Variants in PTPRT observed in about 807,000 individuals in gnomAD.
PTPRT encodes protein tyrosine phosphatase receptor type T.
In PTPRT, 56 loss-of-function variants were observed where a neutral mutation model predicts 176.8. That is an observed-to-expected ratio of 0.32 (90% CI 0.26 to 0.40). The LOEUF is 0.40. Ranked by LOEUF, PTPRT falls within the 10% of genes least tolerant of loss-of-function variation. The probability of loss-of-function intolerance (pLI) is 1.00; values close to 1 mark genes in which losing one functional copy is unlikely to be tolerated. For missense variants in PTPRT, 1,540 were observed against 1,908.2 expected (o/e 0.81, Z 3.60); for synonymous variants, 783 against 739.0 (o/e 1.06, Z -0.96).
At chr20:42,811,207 T>G (rs554913280) in intron 2 of PTPRT, among the ~76,000 whole-genome samples, 4 of 152,310 alleles carry the variant, frequency 2.6e-5, no homozygotes, top group Admixed American at 2.0e-4. Flanking sequence ...AAAAAAATCT[T>G]AAGTTTCACT....
chr20:42,564,569 G>T (rs144876503), intron 7 of PTPRT, among the ~76,000 whole-genome samples: 7 of 152,132 alleles, frequency 4.6e-5, no homozygotes, highest in African/African-American at 1.7e-4. Flanking sequence ...ACACACTGGG[G>T]CCTGTCAGGA....
At chr20:42,318,582 T>C (rs549609311) in intron 11 of PTPRT, among the ~76,000 whole-genome samples, 9 of 152,116 alleles carry the variant, frequency 5.9e-5, no homozygotes, top group Non-Finnish European at 1.0e-4. Context: ...TGCATTGGAT[T>C]TGGGAGCATG....
Position 42,333,693 on chromosome 20 carries a change from T to C in PTPRT, c.1865+16935A>G, listed in dbSNP as rs180820281. On this transcript the variant is annotated intron_variant, in intron 11 of 30. Coordinates refer to ENST00000373187, the MANE Select transcript of PTPRT (RefSeq NM_007050.6). The stretch of plus-strand genomic sequence containing the variant: ...GTTAACATGTGGCTTTAATTCCTTT[T>C]CTTGAGATGGAGTCTCGCTTTGTCA... Among the ~76,000 whole-genome samples the C allele has an allele frequency of 1.6e-3, 246 of 152,282 alleles. 1 individual carries two copies. Among genetic ancestry groups the C allele is most frequent in the Middle Eastern group, 6.8e-3 (2 of 294 alleles).
chr20:42,542,605 T>C (rs1214818528), intron 7 of PTPRT, among the ~76,000 whole-genome samples: 1 of 152,176 alleles, frequency 6.6e-6, no homozygotes, highest in East Asian at 1.9e-4. Flanking sequence ...GAGAAGATAA[T>C]TGAACAAATC....
chr20:42,807,670 C>T (rs989786521), intron 2 of PTPRT, among the ~76,000 whole-genome samples: 14 of 152,056 alleles, frequency 9.2e-5, no homozygotes, highest in South Asian at 6.2e-4. Context: ...CAGGTGTGGG[C>T]GAAAATTCTC....
intron 16 of PTPRT, among the ~76,000 whole-genome samples, chr20:42,188,154 C>T (rs2146625247): frequency 6.6e-6 from 1 of 152,322 alleles, no homozygotes; most frequent in South Asian, 2.1e-4. Flanking sequence ...AATCTGGCCC[C>T]TTCCTGTGCT....
intron 6 of PTPRT, among the ~76,000 whole-genome samples, chr20:42,707,483 T>C (rs2076078250): frequency 6.6e-6 from 1 of 152,126 alleles, no homozygotes; most frequent in African/African-American, 2.4e-5. Flanking sequence ...ATGTGTGGTG[T>C]CAGAACATTT....
At chr20:42,696,161 C>T (rs1371548436) in intron 6 of PTPRT, among the ~76,000 whole-genome samples, 1 of 151,770 alleles carries the variant, frequency 6.6e-6, no homozygotes, top group Non-Finnish European at 1.5e-5. Flanking sequence ...TTCCCTCTCC[C>T]CTAAACCCTC....
intron 22 of PTPRT, among the ~76,000 whole-genome samples, chr20:42,110,853 T>C (rs1329311935): frequency 6.6e-6 from 1 of 152,102 alleles, no homozygotes; most frequent in Non-Finnish European, 1.5e-5. Context: ...TAAAGAAATG[T>C]TGGCCTTAAG....
intron 14 of PTPRT, among the ~76,000 whole-genome samples, chr20:42,238,498 A>C (rs996869058): frequency 3.9e-5 from 6 of 152,202 alleles, no homozygotes; most frequent in Non-Finnish European, 5.9e-5. Flanking sequence ...ACACGTTAGC[A>C]CTGTAAGGAG....
intron 6 of PTPRT, among the ~76,000 whole-genome samples, chr20:42,706,159 A>C (rs376879368): frequency 9.2e-5 from 13 of 141,848 alleles, no homozygotes; most frequent in Non-Finnish European, 1.4e-4. Flanking sequence ...GTCTCTCTTT[A>C]TCTCTCTCTC....
chr20:43,100,333 C>T (rs1421124425), intron 1 of PTPRT, among the ~76,000 whole-genome samples: 5 of 151,982 alleles, frequency 3.3e-5, no homozygotes, highest in South Asian at 4.1e-4. Flanking sequence ...GCTAAGATCG[C>T]GCCACTACAC....
In PTPRT at chr20:42,935,717, TAGTCC is replaced by T. The variant is rs545980201; in HGVS notation, c.89-49790_89-49786del. On this transcript the variant is annotated intron_variant, in intron 1 of 30. Transcript: ENST00000373187. ...ATTTCTCGTCTAGTCCGGTCTAGTC[TAGTCC>T]AGTCCAGTCCAGTCCAGTCTATTCT... Among the ~76,000 whole-genome samples the T allele has an allele frequency of 2.8e-4, 43 of 152,300 alleles. 1 individual carries two copies. The highest frequency in any genetic ancestry group is 3.4e-3 in the Middle Eastern group (1 of 294).
intron 7 of PTPRT, among the ~76,000 whole-genome samples, chr20:42,645,507 T>C (rs893668787): frequency 2.0e-5 from 3 of 152,048 alleles, no homozygotes; most frequent in African/African-American, 7.3e-5. Flanking sequence ...AGGGATCACC[T>C]CCGAAGGAAA....
intron 2 of PTPRT, among the ~76,000 whole-genome samples, chr20:42,830,031 G>C (rs1367383318): frequency 6.6e-6 from 1 of 152,082 alleles, no homozygotes; most frequent in African/African-American, 2.4e-5. Context: ...ATGAAGATCT[G>C]GTACCCTTCC....
At chr20:42,586,887 T>G (rs963074910) in intron 7 of PTPRT, among the ~76,000 whole-genome samples, 1 of 152,150 alleles carries the variant, frequency 6.6e-6, no homozygotes, top group Non-Finnish European at 1.5e-5. Flanking sequence ...AACAGAACCT[T>G]CATGCACCAA....
At chr20:42,296,606 A>C (rs1263561559) in intron 12 of PTPRT, among the ~76,000 whole-genome samples, 1 of 152,194 alleles carries the variant, frequency 6.6e-6, no homozygotes, top group East Asian at 1.9e-4. Flanking sequence ...ATGACATAAA[A>C]ATATATGGCA....
At chr20:42,226,277 TA>T (rs1051318194) in intron 15 of PTPRT, among the ~76,000 whole-genome samples, 6 of 152,234 alleles carry the variant, frequency 3.9e-5, no homozygotes, top group African/African-American at 1.4e-4. Flanking sequence ...AGAGCTATTG[TA>T]AAATGTAAGT....
intron 5 of PTPRT, among the ~76,000 whole-genome samples, chr20:42,759,423 T>C (rs1027240076): frequency 2.0e-5 from 3 of 152,178 alleles, no homozygotes; most frequent in African/African-American, 7.2e-5. Flanking sequence ...CCCAGCACTT[T>C]GGGAGGCTGA....
Sources: allele counts gnomAD v4.1 joint callset (sites outside exome capture counted in the v4.1 genomes callset), GRCh38; gene constraint gnomAD v4.1.1; transcripts MANE v1.5; gene names NCBI Gene and HGNC (gene_info 2026-07-23, HGNC 2026-07-21).